DPP10: variants seen among roughly 807,000 people sequenced by gnomAD.
DPP10 encodes the protein dipeptidyl peptidase like 10.
DPP10 carries 33 observed loss-of-function variants against 120.9 expected under a neutral mutation model. The observed-to-expected ratio is 0.27, with a 90% confidence interval of 0.21 to 0.37. The LOEUF (loss-of-function observed/expected upper bound fraction) is 0.37, where lower values mean the gene tolerates loss of function less well. DPP10 is among the 10% of genes least tolerant of loss of function. The pLI, the probability that DPP10 is intolerant of heterozygous loss-of-function variation, is 1.00. For synonymous variants in DPP10, 337 were observed against 326.1 expected (o/e 1.03, Z -0.36); for missense variants, 816 against 942.8 (o/e 0.87, Z 1.76).
chr2:114,746,683 C>T (rs910014020), intron 1 of DPP10, among the ~76,000 whole-genome samples: 7 of 152,216 alleles, frequency 4.6e-5, no homozygotes, highest in Non-Finnish European at 8.8e-5. Context: ...TCTTCCTTTG[C>T]ATTTGATGAG....
intron 1 of DPP10, among the ~76,000 whole-genome samples, chr2:114,566,134 C>A (rs553017452): frequency 6.6e-6 from 1 of 152,206 alleles, no homozygotes; most frequent in East Asian, 1.9e-4. Context: ...GTTCAATTAT[C>A]AGAAGCGTTT....
chr2:115,253,649 C>T (rs1456517398), intron 1 of DPP10, among the ~76,000 whole-genome samples: 1 of 152,242 alleles, frequency 6.6e-6, no homozygotes, highest in Non-Finnish European at 1.5e-5. Flanking sequence ...AGTCATTAAA[C>T]CTCAAAACTT....
chr2:114,949,824 C>A (rs1463109342), intron 1 of DPP10, among the ~76,000 whole-genome samples: 3 of 152,188 alleles, frequency 2.0e-5, no homozygotes, highest in Non-Finnish European at 4.4e-5. Flanking sequence ...CCAGCCTCAA[C>A]TCTTAGCTGC....
intron 3 of DPP10, among the ~76,000 whole-genome samples, chr2:115,402,462 CA>C (rs2068140907): frequency 6.6e-6 from 1 of 152,094 alleles, no homozygotes; most frequent in Non-Finnish European, 1.5e-5. Flanking sequence ...CGAGGCATCA[CA>C]ATTTACACCA....
chr2:115,497,842 G>T (rs1470138731), intron 3 of DPP10, among the ~76,000 whole-genome samples: 1 of 151,882 alleles, frequency 6.6e-6, no homozygotes, highest in East Asian at 1.9e-4. Context: ...GAATGAAAAG[G>T]AAAAGGAAGA....
intron 1 of DPP10, among the ~76,000 whole-genome samples, chr2:114,842,735 T>C (rs980931993): frequency 1.3e-5 from 2 of 152,128 alleles, no homozygotes; most frequent in Non-Finnish European, 2.9e-5. Context: ...TTCAATAGCT[T>C]GTGTTTCCAA....
chr2:114,517,641 A>G (rs1684710147), intron 1 of DPP10, among the ~76,000 whole-genome samples: 1 of 152,244 alleles, frequency 6.6e-6, no homozygotes, highest in Admixed American at 6.5e-5. Context: ...TAAGGCCATT[A>G]TGTGAATCCA....
chr2:114,697,090 C>T (rs921585422), intron 1 of DPP10, among the ~76,000 whole-genome samples: 29 of 151,968 alleles, frequency 1.9e-4, no homozygotes, highest in African/African-American at 6.8e-4. Context: ...GTGTACCTCC[C>T]GAGATAATGT....
intron 1 of DPP10, among the ~76,000 whole-genome samples, chr2:114,539,562 C>A (rs1686791648): frequency 6.6e-6 from 1 of 152,076 alleles, no homozygotes; most frequent in African/African-American, 2.4e-5. Context: ...GGTTCTTGAC[C>A]CCTGCTTTCT....
chr2:114,895,155 A>G (rs890744369), intron 1 of DPP10, among the ~76,000 whole-genome samples: 4 of 152,240 alleles, frequency 2.6e-5, no homozygotes, highest in Admixed American at 6.5e-5. Context: ...AGTATTGACT[A>G]CTATTGTTAC....
intron 1 of DPP10, among the ~76,000 whole-genome samples, chr2:115,096,733 C>G (rs536613157): frequency 6.6e-6 from 1 of 152,088 alleles, no homozygotes; most frequent in African/African-American, 2.4e-5. Context: ...ATATGTTGAA[C>G]CTTCCTAAGT....
At chr2:115,073,877 C>G (rs1707572796) in intron 1 of DPP10, among the ~76,000 whole-genome samples, 1 of 152,172 alleles carries the variant, frequency 6.6e-6, no homozygotes, top group Non-Finnish European at 1.5e-5. Flanking sequence ...CTTTTTTATA[C>G]TCATTTGTGC....
At chr2:115,699,869 A>G (rs561909694) in intron 7 of DPP10, among the ~76,000 whole-genome samples, 1 of 152,360 alleles carries the variant, frequency 6.6e-6, no homozygotes, top group African/African-American at 2.4e-5. Flanking sequence ...GGATCATTCA[A>G]TATATAAAAA....
chr2:115,410,200 ACTC>A (rs1261311991), intron 3 of DPP10, among the ~76,000 whole-genome samples: 3 of 152,194 alleles, frequency 2.0e-5, no homozygotes, highest in African/African-American at 7.2e-5. Context: ...TTGCAGCACT[ACTC>A]ACAATAGCAA....
At chr2:115,116,274 C>T (rs914100731) in intron 1 of DPP10, among the ~76,000 whole-genome samples, 1 of 152,078 alleles carries the variant, frequency 6.6e-6, no homozygotes, top group Admixed American at 6.6e-5. Context: ...TTTTCAGTGC[C>T]TTCTACATAA....
chr2:115,011,095 A>G (rs545225265), intron 1 of DPP10, among the ~76,000 whole-genome samples: 2 of 152,334 alleles, frequency 1.3e-5, no homozygotes, highest in Admixed American at 6.5e-5. Flanking sequence ...TTTTCCACAT[A>G]TATGGTTACT....
At chr2:115,804,671 T>C (rs1393345283) in intron 19 of DPP10, among the ~76,000 whole-genome samples, 1 of 152,216 alleles carries the variant, frequency 6.6e-6, no homozygotes, top group Non-Finnish European at 1.5e-5. Flanking sequence ...CAGCTGCAGG[T>C]CTGTCGGAGT....
chr2:115,656,959 T>C (rs2088415632), intron 5 of DPP10, among the ~76,000 whole-genome samples: 1 of 151,652 alleles, frequency 6.6e-6, no homozygotes, highest in South Asian at 2.1e-4. Flanking sequence ...GTTTCTGTTA[T>C]GCATAATAAA....
At chr2:115,278,400 T>A (rs1019836965) in intron 1 of DPP10, among the ~76,000 whole-genome samples, 1 of 152,198 alleles carries the variant, frequency 6.6e-6, no homozygotes, top group African/African-American at 2.4e-5. Context: ...TTTAGATCCG[T>A]TGTTACAGGT....
Sources: gnomAD v4.1 joint callset for allele counts (sites outside exome capture counted in the v4.1 genomes callset) on GRCh38, gnomAD v4.1.1 for gene constraint, MANE v1.5 for transcripts, NCBI Gene and HGNC (gene_info 2026-07-23, HGNC 2026-07-21) for gene names.